The following TAFA5 variants were observed in gnomAD, a reference collection of about 807,000 sequenced individuals.
The protein encoded by TAFA5 is TAFA chemokine like family member 5.
In TAFA5, 6 loss-of-function variants were observed where a neutral mutation model predicts 15.3. The observed-to-expected ratio is 0.39, with a 90% CI of 0.21 to 0.77. The LOEUF is 0.77. Ranked by LOEUF, TAFA5 falls within the 30% of genes least tolerant of loss-of-function variation. The pLI is 0.41. For synonymous variants in TAFA5, 103 were observed against 80.7 expected, an observed-to-expected ratio of 1.28 and a Z score of -1.48; for missense variants, 161 against 193.1, an observed-to-expected ratio of 0.83 and a Z score of 0.98.
Position 48,552,734 on chromosome 22 carries a change from C to G in TAFA5, c.112+63030C>G, listed in dbSNP as rs546420650. ...TTATCATACTGACAACTGGAAAAAC[C>G]TTAAATAAACATTTATCATCCTCCG... is the stretch of plus-strand genomic sequence containing the variant. On this transcript the variant is annotated intron_variant, in intron 1 of 3. Coordinates refer to ENST00000402357, the MANE Select transcript of TAFA5 (RefSeq NM_001082967.3). The surrounding 1 kb of genome is among the most constrained non-coding windows in gnomAD (Gnocchi z 4.1). Among the ~76,000 whole-genome samples the G allele has an allele frequency of 9.5e-4, 144 of 152,276 alleles. No individual in the cohort carries two copies. The highest frequency in any genetic ancestry group is 2.9e-3 in the African/African-American group (122 of 41,558).
intron 1 of TAFA5, among the ~76,000 whole-genome samples, chr22:48,500,247 G>A (rs1245254147): frequency 1.3e-5 from 2 of 152,140 alleles, no homozygotes; most frequent in East Asian, 3.9e-4. Context: ...GCAGATGGCA[G>A]GCTCGTCTGG....
At chr22:48,702,863 C>T (rs1928955945) in intron 2 of TAFA5, among the ~76,000 whole-genome samples, 1 of 152,210 alleles carries the variant, frequency 6.6e-6, no homozygotes, top group Non-Finnish European at 1.5e-5. Flanking sequence ...AGGAAGTGGG[C>T]TGGGGTGGGT....
chr22:48,631,895 G>A (rs550044879), intron 1 of TAFA5, among the ~76,000 whole-genome samples: 3 of 152,304 alleles, frequency 2.0e-5, no homozygotes, highest in Admixed American at 6.5e-5. Flanking sequence ...GTGAACGGGC[G>A]ATGGGACCCC....
chr22:48,664,370 C>A (rs1008894625), intron 2 of TAFA5, among the ~76,000 whole-genome samples: 1 of 152,198 alleles, frequency 6.6e-6, no homozygotes, highest in African/African-American at 2.4e-5. Context: ...GATCTTCCCT[C>A]ATCATCAGGC....
intron 1 of TAFA5, among the ~76,000 whole-genome samples, chr22:48,593,810 G>A (rs1015936537): frequency 2.6e-5 from 4 of 152,114 alleles, no homozygotes; most frequent in African/African-American, 9.7e-5. Flanking sequence ...CTCCCCCGAG[G>A]CCAAGTCCTG....
In TAFA5 at chr22:48,494,066, A is replaced by G. The variant is rs761557175; in HGVS notation, c.112+4362A>G. ...AGGCTCCACCTGATGGGTCTCTTCC[A>G]TACCAGGCTCCCCAGCTAAGTTCTG... On this transcript the variant is annotated intron_variant, in intron 1 of 3. Transcript: ENST00000402357. Among the ~76,000 whole-genome samples the G allele has an allele frequency of 2.6e-5, 4 of 152,224 alleles. No individual in the cohort carries two copies. The East Asian group carries it at 7.7e-4, about 29-fold the overall frequency.
At chr22:48,729,734 C>T (rs1929816038) in intron 3 of TAFA5, among the ~76,000 whole-genome samples, 1 of 145,612 alleles carries the variant, frequency 6.9e-6, no homozygotes. Flanking sequence ...AAATATAAAA[C>T]ATAAATATAA....
At chr22:48,528,892 C>G (rs1214405002) in intron 1 of TAFA5, among the ~76,000 whole-genome samples, 1 of 152,134 alleles carries the variant, frequency 6.6e-6, no homozygotes, top group African/African-American at 2.4e-5. Context: ...GAGACACAGT[C>G]CCATTGTAAC....
In TAFA5 at chr22:48,648,785, G is replaced by A. The variant is rs150252510; in HGVS notation, c.262+2039G>A. Among the ~76,000 whole-genome samples the A allele has an allele frequency of 2.6e-3, 391 of 152,174 alleles. 12 individuals are homozygous for A. The East Asian group carries it at 0.061, about 24-fold the overall frequency. On this transcript the variant is annotated intron_variant, in intron 2 of 3. Transcript: ENST00000402357. Reference sequence around the variant, plus strand: ...GGAGGTTGCAGTGAGCCGAGATCACGCCACTGCACTCCAGCCTGGGTGGCA... The same window carrying A: ...GGAGGTTGCAGTGAGCCGAGATCACACCACTGCACTCCAGCCTGGGTGGCA...
intron 1 of TAFA5, among the ~76,000 whole-genome samples, chr22:48,493,206 C>T (rs1045697660): frequency 1.3e-5 from 2 of 152,172 alleles, no homozygotes; most frequent in South Asian, 4.1e-4. Context: ...CTATTCAGCA[C>T]GAGCAGGTGG....
chr22:48,561,235 A>G (rs549229097), intron 1 of TAFA5, among the ~76,000 whole-genome samples: 5 of 152,204 alleles, frequency 3.3e-5, no homozygotes, highest in South Asian at 2.1e-4. Context: ...TGGTACCTCT[A>G]TCACCAGCCC....
At chr22:48,655,787 GAAGGC>G (rs1486992100) in intron 2 of TAFA5, among the ~76,000 whole-genome samples, 1 of 149,384 alleles carries the variant, frequency 6.7e-6, no homozygotes, top group Non-Finnish European at 1.5e-5. Context: ...CAGTGTGGTT[GAAGGC>G]ACGGTCCTGC....
intron 1 of TAFA5, among the ~76,000 whole-genome samples, chr22:48,596,281 T>G (rs1202880605): frequency 6.6e-6 from 1 of 152,218 alleles, no homozygotes; most frequent in African/African-American, 2.4e-5. Context: ...TGGTTTCTGT[T>G]GACCACGCTG....
intron 1 of TAFA5, among the ~76,000 whole-genome samples, chr22:48,562,199 G>A (rs926625047): frequency 2.0e-5 from 3 of 151,910 alleles, no homozygotes; most frequent in African/African-American, 4.8e-5. Flanking sequence ...GTGCAGTGGC[G>A]CCATCTCAGC....
At chr22:48,707,621 G>GC (rs1282043491) in intron 2 of TAFA5, 96 bp from the exon 3 acceptor site, 12 of 1,456,598 alleles carry the variant, frequency 8.2e-6, no homozygotes, top group Admixed American at 2.0e-5. Context: ...TTGCCTGAGG[G>GC]CCCCCCCAGC....
At chr22:48,669,849 C>T (rs543391764) in intron 2 of TAFA5, among the ~76,000 whole-genome samples, 16 of 152,372 alleles carry the variant, frequency 1.1e-4, no homozygotes, top group Admixed American at 5.9e-4. Context: ...CATATGAAGG[C>T]TATTGCAAAG....
chr22:48,720,392 C>T (rs1449614786), intron 3 of TAFA5, among the ~76,000 whole-genome samples: 2 of 152,190 alleles, frequency 1.3e-5, no homozygotes, highest in Non-Finnish European at 2.9e-5. Flanking sequence ...ATCTCAGGGA[C>T]ACCCCTCGAG....
intron 1 of TAFA5, among the ~76,000 whole-genome samples, chr22:48,559,551 C>T (rs1217716829): frequency 6.6e-6 from 1 of 152,118 alleles, no homozygotes; most frequent in African/African-American, 2.4e-5. Context: ...GGGCCCCTTC[C>T]CCCCTGGTCT....
intron 1 of TAFA5, among the ~76,000 whole-genome samples, chr22:48,556,571 G>C (rs1923047026): frequency 1.3e-5 from 2 of 152,244 alleles, no homozygotes; most frequent in African/African-American, 4.8e-5. Flanking sequence ...AGGAAAGTGG[G>C]GTGTCCCGAA....
Sources: gnomAD v4.1 joint callset for allele counts (sites outside exome capture counted in the v4.1 genomes callset) on GRCh38, gnomAD v4.1.1 for gene constraint, Gnocchi (gnomAD v3.1) non-coding constraint, MANE v1.5 for transcripts, NCBI Gene and HGNC (gene_info 2026-07-23, HGNC 2026-07-21) for gene names.